The following ROR1 variants were observed in gnomAD, a reference collection of about 807,000 sequenced individuals.
The protein encoded by ROR1 is ROR family WNT receptor 1.
In ROR1, 19 loss-of-function variants were observed where a neutral mutation model predicts 78.8. The observed-to-expected ratio is 0.24, with a 90% CI of 0.17 to 0.35. The LOEUF (loss-of-function observed/expected upper bound fraction) is 0.35. Ranked by LOEUF, ROR1 falls within the 10% of genes least tolerant of loss-of-function variation. ROR1 has a pLI of 1.00. For missense variants in ROR1, 917 were observed against 1,177.8 expected, an observed-to-expected ratio of 0.78 and a Z score of 3.24; for synonymous variants, 386 against 433.6, an observed-to-expected ratio of 0.89 and a Z score of 1.36.
chr1:63,815,672 A>G (rs1644887837), intron 1 of ROR1, among the ~76,000 whole-genome samples: 1 of 152,030 alleles, frequency 6.6e-6, no homozygotes, highest in South Asian at 2.1e-4. Context: ...AGGTGATTTC[A>G]GGGCTATCTC....
chr1:63,941,743 C>A (rs578090561), intron 1 of ROR1, among the ~76,000 whole-genome samples: 37 of 152,298 alleles, frequency 2.4e-4, no homozygotes, highest in African/African-American at 8.7e-4. Context: ...TTGTTCCCTT[C>A]TATGTATTAG....
chr1:63,971,217 A>G (rs1646117558), intron 1 of ROR1, among the ~76,000 whole-genome samples: 1 of 152,192 alleles, frequency 6.6e-6, no homozygotes. Context: ...TTCACTCATT[A>G]GGTATATGAC....
intron 1 of ROR1, among the ~76,000 whole-genome samples, chr1:63,810,132 C>T (rs1032123328): frequency 3.3e-5 from 5 of 152,044 alleles, no homozygotes; most frequent in Non-Finnish European, 7.4e-5. Flanking sequence ...AACGAGAAAC[C>T]CATTTTGAGA....
At chr1:64,007,846 G>T (rs11208335) in intron 1 of ROR1, among the ~76,000 whole-genome samples, 4,531 of 152,166 alleles carry the variant, frequency 0.03, 251 homozygotes, top group African/African-American at 0.1. Context: ...GTCTAAGACT[G>T]GTCTTTCAAC....
chr1:64,157,319 TG>T (rs1291662238), intron 7 of ROR1, among the ~76,000 whole-genome samples: 1 of 152,024 alleles, frequency 6.6e-6, no homozygotes, highest in Non-Finnish European at 1.5e-5. Flanking sequence ...TTTAATTTTT[TG>T]TAGAGATGGG....
In ROR1 at chr1:63,844,778, C is replaced by T. The variant is rs201005510; in HGVS notation, c.91+70270C>T. Among the ~76,000 whole-genome samples, 568 of 152,258 alleles carry T rather than the reference C, an allele frequency of 3.7e-3. 4 individuals carry two copies. Among genetic ancestry groups the T allele is most frequent in the African/African-American group, 0.013 (526 of 41,548 alleles). ...CCTCAATGAAATAAAGCAGCCCCTT[C>T]TAGGCAATCCTAATTACTCCCTTTC... On this transcript the variant is annotated intron_variant, in intron 1 of 8. Transcript: ENST00000371079.
intron 1 of ROR1, among the ~76,000 whole-genome samples, chr1:64,008,400 T>C (rs887243453): frequency 6.6e-6 from 1 of 152,218 alleles, no homozygotes; most frequent in African/African-American, 2.4e-5. Flanking sequence ...GTCTTCGCTA[T>C]TATGAATAGT....
At chr1:63,924,401 A>T (rs1645682278) in intron 1 of ROR1, among the ~76,000 whole-genome samples, 1 of 152,162 alleles carries the variant, frequency 6.6e-6, no homozygotes, top group South Asian at 2.1e-4. Context: ...GTAGAAATGA[A>T]TTTTTAAAAA....
chr1:63,924,979 G>C (rs1569919784), intron 1 of ROR1, among the ~76,000 whole-genome samples: 2 of 133,152 alleles, frequency 1.5e-5, no homozygotes, highest in East Asian at 4.3e-4. Context: ...CCTCCACCCA[G>C]ATGACACCTT....
At chr1:64,001,246 C>T (rs79758847) in intron 1 of ROR1, among the ~76,000 whole-genome samples, 1 of 152,140 alleles carries the variant, frequency 6.6e-6, no homozygotes, top group Non-Finnish European at 1.5e-5. Context: ...TTTAAAAGGT[C>T]ACATACTAAA....
At position 64,140,072 on chromosome 1, in the gene ROR1, T is replaced by C. The variant is rs775044121; in HGVS notation, c.611-37T>C. On this transcript the variant is annotated intron_variant, in intron 5 of 8. Transcript: ENST00000371079. Reference sequence around the variant, plus strand: ...CTAGATAACCAAAGAAGATAAACCCTGGCCTCTGGGAGTTAATAATTGTGT... The same window carrying C: ...CTAGATAACCAAAGAAGATAAACCCCGGCCTCTGGGAGTTAATAATTGTGT... 21 of 1,589,506 alleles carry C rather than the reference T, an allele frequency of 1.3e-5. No individual in the cohort carries two copies. In the South Asian group the frequency reaches 2.2e-4, roughly 17 times the overall value.
In ROR1 at chr1:63,977,772, G is replaced by C. The variant is rs79362876; in HGVS notation, c.92-31533G>C. Among the ~76,000 whole-genome samples, 909 of 152,318 alleles carry C rather than the reference G, an allele frequency of 6.0e-3. 3 individuals are homozygous for C. The highest frequency in any genetic ancestry group is 0.01 in the African/African-American group (421 of 41,574). ...CTGATGTTACTTCAGGAAATGCATAGAGCCAGAGAGACACAATTTGACTTA... is the reference window on the plus strand; with the variant it reads ...CTGATGTTACTTCAGGAAATGCATACAGCCAGAGAGACACAATTTGACTTA... On this transcript the variant is annotated intron_variant, in intron 1 of 8. Transcript: ENST00000371079.
intron 4 of ROR1, among the ~76,000 whole-genome samples, chr1:64,094,200 A>G (rs1435598536): frequency 8.5e-5 from 13 of 152,276 alleles, no homozygotes; most frequent in Admixed American, 7.8e-4. Flanking sequence ...AAAGTTTTCT[A>G]TGTCTATTGC....
At chr1:63,973,632 G>A (rs575236678) in intron 1 of ROR1, among the ~76,000 whole-genome samples, 46 of 152,220 alleles carry the variant, frequency 3.0e-4, no homozygotes, top group African/African-American at 1.1e-3. Context: ...GACACAGGGT[G>A]GCTCAAAATA....
chr1:64,177,691 G>C lies in ROR1; in HGVS notation c.1650G>C (p.Met550Ile). The C allele has an allele frequency of 6.2e-7, 1 of 1,614,220 alleles. No homozygotes were observed. Among genetic ancestry groups the C allele is most frequent in the Non-Finnish European group, 8.5e-7 (1 of 1,180,036 alleles). Reference sequence around the variant, plus strand: ...TCACTCAGGAACAACCTGTGTGCATGCTTTTTGAGTATATTAATCAGGGGG... The same window carrying C: ...TCACTCAGGAACAACCTGTGTGCATCCTTTTTGAGTATATTAATCAGGGGG... ...GAVTQEQPVC[M>I]LFEYINQGDL... Residue 550 changes from methionine (M) to isoleucine (I), a missense_variant, in exon 9 of 9, where the codon ATG becomes ATC. Transcript: ENST00000371079.
intron 2 of ROR1, among the ~76,000 whole-genome samples, chr1:64,048,189 C>G (rs952153229): frequency 2.0e-5 from 3 of 152,138 alleles, no homozygotes; most frequent in Admixed American, 1.3e-4. Context: ...AAATTTGTGG[C>G]GTTCTACCTG....
chr1:63,796,977 A>G (rs1048178118), intron 1 of ROR1, among the ~76,000 whole-genome samples: 1 of 152,220 alleles, frequency 6.6e-6, no homozygotes, highest in Non-Finnish European at 1.5e-5. Flanking sequence ...TGAATTGAAT[A>G]ACAATTCATA....
chr1:63,954,317 A>G (rs1284643643), intron 1 of ROR1, among the ~76,000 whole-genome samples: 1 of 152,224 alleles, frequency 6.6e-6, no homozygotes, highest in Non-Finnish European at 1.5e-5. Context: ...CAACCTAGAT[A>G]CTGCAAACCC....
chr1:63,911,838 T>C (rs940999873), intron 1 of ROR1, among the ~76,000 whole-genome samples: 11 of 152,272 alleles, frequency 7.2e-5, no homozygotes, highest in African/African-American at 2.2e-4. Context: ...CTGAGGGGCA[T>C]GGGGAAGGAA....
Sources: allele counts gnomAD v4.1 joint callset (sites outside exome capture counted in the v4.1 genomes callset), GRCh38; gene constraint gnomAD v4.1.1; transcripts MANE v1.5; gene names NCBI Gene and HGNC (gene_info 2026-07-23, HGNC 2026-07-21).